Variants in DYRK1A observed in about 807,000 individuals in gnomAD.
DYRK1A encodes the protein dual specificity tyrosine phosphorylation regulated kinase 1A.
In DYRK1A, 9 loss-of-function variants were observed where a neutral mutation model predicts 79.7. That is an observed-to-expected ratio of 0.11 (90% CI 0.07 to 0.20). The LOEUF (loss-of-function observed/expected upper bound fraction) is 0.20, where lower values mean the gene tolerates loss of function less well. Among genes scored for constraint, DYRK1A ranks in the 10% least tolerant of loss-of-function variants. The probability of loss-of-function intolerance (pLI) is 1.00; values close to 1 mark genes in which losing one functional copy is unlikely to be tolerated. For synonymous variants in DYRK1A, 349 were observed against 329.7 expected (o/e 1.06, Z -0.63); for missense variants, 622 against 956.0 (o/e 0.65, Z 4.61).
chr21:37,369,033 GT>G (rs2049376892), intron 1 of DYRK1A, among the ~76,000 whole-genome samples: 1 of 152,034 alleles, frequency 6.6e-6, no homozygotes, highest in African/African-American at 2.4e-5. Context: ...TCCTTGATGT[GT>G]TTTGTACTTC....
chr21:37,511,971 A>G lies in DYRK1A; in HGVS notation c.1705A>G (p.Thr569Ala), dbSNP rs774075762. ...WSGTEAPTQV[T>A]VETHPVQETT... ...AGGCACTGAAGCTCCTACACAGGTCACTGTTGAAACTCATCCTGTTCAAGA... is the reference window on the plus strand; with the variant it reads ...AGGCACTGAAGCTCCTACACAGGTCGCTGTTGAAACTCATCCTGTTCAAGA... Residue 569 changes from threonine to alanine, a missense_variant, in exon 12 of 12, where the codon ACT (threonine) becomes GCT (alanine). By Grantham distance (58) the Thr-to-Ala change is moderately conservative. This residue lies in a region of DYRK1A where 292 missense variants were observed against 316.7 expected (regional missense o/e 0.92). Transcript: ENST00000647188. The G allele has an allele frequency of 5.8e-5, 94 of 1,614,058 alleles. No individual in the cohort carries two copies. Among genetic ancestry groups the G allele is most frequent in the Non-Finnish European group, 7.7e-5 (91 of 1,180,036 alleles).
At chr21:37,428,335 C>CT (rs1455772776) in intron 2 of DYRK1A, among the ~76,000 whole-genome samples, 2 of 152,140 alleles carry the variant, frequency 1.3e-5, no homozygotes. Flanking sequence ...ATTCTCAAAT[C>CT]TATGTGTTGA....
intron 1 of DYRK1A, among the ~76,000 whole-genome samples, chr21:37,380,425 GGTTC>G (rs1329380686): frequency 6.6e-6 from 1 of 151,078 alleles, no homozygotes; most frequent in African/African-American, 2.4e-5. Flanking sequence ...TCGTTGTTGT[GGTTC>G]TGTAGTACAA....
intron 1 of DYRK1A, among the ~76,000 whole-genome samples, chr21:37,413,555 A>G (rs1295371686): frequency 2.6e-5 from 4 of 152,180 alleles, no homozygotes; most frequent in African/African-American, 9.6e-5. Context: ...TACTGATTGA[A>G]CATATTCTTT....
At chr21:37,441,462 C>G (rs1418943320) in intron 2 of DYRK1A, among the ~76,000 whole-genome samples, 1 of 151,982 alleles carries the variant, frequency 6.6e-6, no homozygotes, top group Non-Finnish European at 1.5e-5. Context: ...TTTCCCCTTT[C>G]CTCTTTTTCT....
chr21:37,370,412 A>C (rs1240186498), intron 1 of DYRK1A, among the ~76,000 whole-genome samples: 1 of 152,102 alleles, frequency 6.6e-6, no homozygotes, highest in Non-Finnish European at 1.5e-5. Flanking sequence ...TAACTGTATT[A>C]TAGGCGAGAA....
chr21:37,441,966 T>G (rs1450752910), intron 2 of DYRK1A, among the ~76,000 whole-genome samples: 1 of 151,556 alleles, frequency 6.6e-6, no homozygotes, highest in Non-Finnish European at 1.5e-5. Context: ...TTTGCTGTTT[T>G]TTTTTTTTTT....
rs1358180467 is a variant in DYRK1A, at chr21:37,519,295, CAA to C, written c.*6766_*6767del. 1 of 152,334 alleles carries C rather than the reference CAA, an allele frequency of 6.6e-6. No homozygotes were observed. Among genetic ancestry groups the C allele is most frequent in the Non-Finnish European group, 1.5e-5 (1 of 68,040 alleles). 9.4% of individuals were successfully genotyped at this position (152,334 alleles called of 1,614,324 possible). A position where few individuals can be genotyped will look rare whatever the true frequency, so the allele number is the denominator to read the frequency against. ...GTTACAGTTTCCCTCTCTAGAATCC[CAA>C]AGAGGTTCAGATCCCACTGCTCCTC... On this transcript the variant is annotated 3_prime_UTR_variant, in exon 12 of 12. Transcript: ENST00000647188.
At chr21:37,486,672 A>T in intron 6 of DYRK1A, 58 bp downstream of exon 6, 1 of 1,362,168 alleles carries the variant, frequency 7.3e-7, no homozygotes, top group Non-Finnish European at 9.6e-7. Flanking sequence ...CTTTGAGTTA[A>T]TGGTTCTTTT....
At chr21:37,454,713 T>C (rs9975652) in intron 2 of DYRK1A, among the ~76,000 whole-genome samples, 3,343 of 152,320 alleles carry the variant, frequency 0.022, 56 homozygotes, top group Non-Finnish European at 0.034. Context: ...TATCCAGTTA[T>C]AGTATTTTAC....
intron 2 of DYRK1A, among the ~76,000 whole-genome samples, chr21:37,451,742 C>T (rs1040081196): frequency 6.6e-6 from 1 of 152,142 alleles, no homozygotes; most frequent in Non-Finnish European, 1.5e-5. Context: ...ATGAAATCGC[C>T]TGACAGTGAA....
intron 1 of DYRK1A, among the ~76,000 whole-genome samples, chr21:37,408,460 C>T (rs1222148852): frequency 3.3e-5 from 5 of 152,104 alleles, no homozygotes; most frequent in Non-Finnish European, 7.4e-5. Flanking sequence ...TAAGTAATGC[C>T]ACATTTAAAA....
chr21:37,396,587 A>G (rs138906334), intron 1 of DYRK1A, among the ~76,000 whole-genome samples: 1 of 152,108 alleles, frequency 6.6e-6, no homozygotes, highest in Non-Finnish European at 1.5e-5. Context: ...CCGTAGCGTA[A>G]TATTGAGGGA....
intron 3 of DYRK1A, among the ~76,000 whole-genome samples, chr21:37,474,186 T>G (rs138818193): frequency 1.2e-4 from 19 of 152,348 alleles, no homozygotes; most frequent in African/African-American, 4.3e-4. Context: ...GTCTAACCTC[T>G]GGTGTCTACA....
At chr21:37,389,474 A>G (rs906232281) in intron 1 of DYRK1A, among the ~76,000 whole-genome samples, 3 of 152,082 alleles carry the variant, frequency 2.0e-5, no homozygotes, top group Non-Finnish European at 4.4e-5. Flanking sequence ...TTAAAAGAAT[A>G]TTTCTGATTC....
chr21:37,415,203 A>C (rs913844733), intron 1 of DYRK1A, among the ~76,000 whole-genome samples: 1 of 152,122 alleles, frequency 6.6e-6, no homozygotes, highest in Middle Eastern at 3.4e-3. Context: ...TTGGGGCAAA[A>C]CTCATTTAAT....
Position 37,480,684 on chromosome 21 carries a change from A to G in DYRK1A, c.347A>G (p.Asp116Gly). Residue 116 changes from aspartate (D) to glycine (G), a missense_variant, in exon 5 of 12, where the codon GAC (aspartate) becomes GGC (glycine). This residue lies in a region of DYRK1A where 138 missense variants were observed against 346.4 expected (regional missense o/e 0.40). Coordinates refer to ENST00000647188, the MANE Select transcript of DYRK1A (RefSeq NM_001347721.2). ...KKRRHQQGQG[D>G]DSSHKKERKV... ...CGAAGACACCAACAGGGCCAGGGAGACGATTCTAGTCATAAGAAGGAACGG... is the reference window on the plus strand; with the variant it reads ...CGAAGACACCAACAGGGCCAGGGAGGCGATTCTAGTCATAAGAAGGAACGG... The G allele has an allele frequency of 6.2e-7, 1 of 1,611,538 alleles. No homozygotes were observed. The highest frequency in any genetic ancestry group is 8.5e-7 in the Non-Finnish European group (1 of 1,179,124).
At chr21:37,383,360 A>G (rs961273505) in intron 1 of DYRK1A, among the ~76,000 whole-genome samples, 1 of 152,214 alleles carries the variant, frequency 6.6e-6, no homozygotes, top group Admixed American at 6.5e-5. Flanking sequence ...GTTCTTAACT[A>G]TGTAGCTTTC....
At position 37,515,414 on chromosome 21, in the gene DYRK1A, G is replaced by A. The variant is rs1431651806; in HGVS notation, c.*2883G>A. The A allele has an allele frequency of 1.3e-5, 2 of 152,346 alleles. No homozygotes were observed. The highest frequency in any genetic ancestry group is 4.8e-5 in the African/African-American group (2 of 41,434). 9.4% of individuals were successfully genotyped at this position (152,346 alleles called of 1,614,324 possible). A position where few individuals can be genotyped will look rare whatever the true frequency, so the allele number is the denominator to read the frequency against. On this transcript the variant is annotated 3_prime_UTR_variant, in exon 12 of 12. Transcript: ENST00000647188. ...TTCACATTGATTTTTTTATTTGAAT[G>A]TTTACATAATTTTGTGATTCAAAAT...
Sources: allele counts gnomAD v4.1 joint callset (sites outside exome capture counted in the v4.1 genomes callset), GRCh38; gene constraint gnomAD v4.1.1; regional missense constraint gnomAD v4.1.1; transcripts MANE v1.5; gene names NCBI Gene and HGNC (gene_info 2026-07-23, HGNC 2026-07-21).